SMYD3: variants seen among roughly 807,000 people sequenced by gnomAD.
The protein encoded by SMYD3 is SET and MYND domain containing 3, also known as histone-lysine N-methyltransferase SMYD3.
SMYD3 carries 36 observed loss-of-function variants against 57.7 expected under a neutral mutation model. The ratio of observed to expected loss-of-function variants is 0.62; its 90% CI spans 0.48 to 0.82. The LOEUF (loss-of-function observed/expected upper bound fraction) is 0.82, where lower values mean the gene tolerates loss of function less well. Among genes scored for constraint, SMYD3 ranks in the 40% least tolerant of loss-of-function variants. The probability of loss-of-function intolerance (pLI) is 0.00; values close to 1 mark genes in which losing one functional copy is unlikely to be tolerated. For synonymous variants in SMYD3, 211 were observed against 195.0 expected, an observed-to-expected ratio of 1.08 and a Z score of -0.68; for missense variants, 515 against 538.8, an observed-to-expected ratio of 0.96 and a Z score of 0.44.
intron 5 of SMYD3, among the ~76,000 whole-genome samples, chr1:246,027,164 G>C (rs895791075): frequency 6.6e-6 from 1 of 152,172 alleles, no homozygotes; most frequent in Non-Finnish European, 1.5e-5. Context: ...AACGACAGAA[G>C]AAACGGTGGA....
intron 5 of SMYD3, among the ~76,000 whole-genome samples, chr1:246,310,685 T>TC (rs1491321010): frequency 1.0e-5 from 1 of 96,300 alleles, no homozygotes; most frequent in African/African-American, 4.2e-5. Flanking sequence ...TTTTTTTTTT[T>TC]CTGAGAGGGA....
chr1:246,245,635 T>A (rs10924613), intron 5 of SMYD3, among the ~76,000 whole-genome samples: 31,568 of 152,072 alleles, frequency 0.21, 3,989 homozygotes, highest in East Asian at 0.58. Context: ...GATTTTTATC[T>A]AAGAAATTAA....
intron 10 of SMYD3, among the ~76,000 whole-genome samples, chr1:245,837,432 C>G (rs2050159138): frequency 6.6e-6 from 1 of 151,512 alleles, no homozygotes; most frequent in South Asian, 2.1e-4. Context: ...TGGCTATTGA[C>G]CTCCAGGGAA....
intron 5 of SMYD3, among the ~76,000 whole-genome samples, chr1:246,045,060 G>A (rs2059939278): frequency 6.6e-6 from 1 of 152,126 alleles, no homozygotes; most frequent in Non-Finnish European, 1.5e-5. Context: ...TACTGCCCAA[G>A]GTAATTTATA....
At chr1:246,286,647 T>C (rs1175531991) in intron 5 of SMYD3, among the ~76,000 whole-genome samples, 1 of 152,154 alleles carries the variant, frequency 6.6e-6, no homozygotes, top group Non-Finnish European at 1.5e-5. Context: ...GACACTGTTT[T>C]TGTTCATCTT....
intron 8 of SMYD3, among the ~76,000 whole-genome samples, chr1:245,892,537 T>A (rs2053452900): frequency 6.6e-6 from 1 of 152,218 alleles, no homozygotes; most frequent in Non-Finnish European, 1.5e-5. Context: ...TGTCCTCTTA[T>A]CCACCATTTG....
At chr1:246,129,819 G>A (rs931620610) in intron 5 of SMYD3, among the ~76,000 whole-genome samples, 1 of 151,990 alleles carries the variant, frequency 6.6e-6, no homozygotes, top group African/African-American at 2.4e-5. Flanking sequence ...TAAGCCCATA[G>A]CACTTGTTAG....
chr1:246,245,120 C>CTTTT (rs74163421), intron 5 of SMYD3, among the ~76,000 whole-genome samples: 9 of 122,960 alleles, frequency 7.3e-5, no homozygotes, highest in African/African-American at 1.2e-4. Flanking sequence ...CAGCTACTGC[C>CTTTT]TTTTTTTTTT....
chr1:246,482,156 T>A (rs185831964), intron 1 of SMYD3, among the ~76,000 whole-genome samples: 367 of 151,990 alleles, frequency 2.4e-3, no homozygotes, highest in African/African-American at 8.2e-3. Flanking sequence ...AGACCCTGTC[T>A]CAGAAGCAAA....
At chr1:246,048,741 G>A (rs2148318540) in intron 5 of SMYD3, among the ~76,000 whole-genome samples, 1 of 151,646 alleles carries the variant, frequency 6.6e-6, no homozygotes, top group African/African-American at 2.4e-5. Context: ...AACTTCACAA[G>A]GTTATTGTAA....
At chr1:246,502,899 C>T (rs1008794221) in intron 1 of SMYD3, among the ~76,000 whole-genome samples, 53 of 152,300 alleles carry the variant, frequency 3.5e-4, no homozygotes, top group African/African-American at 1.3e-3. Context: ...AGCTCCTCCA[C>T]CTCCTTCACA....
chr1:246,263,961 C>A (rs916991160), intron 5 of SMYD3, among the ~76,000 whole-genome samples: 4 of 152,064 alleles, frequency 2.6e-5, no homozygotes, highest in Non-Finnish European at 4.4e-5. Flanking sequence ...TATAAGATGC[C>A]TACACAACCA....
intron 5 of SMYD3, among the ~76,000 whole-genome samples, chr1:246,091,958 GT>G (rs1485654774): frequency 6.6e-6 from 1 of 152,100 alleles, no homozygotes; most frequent in Non-Finnish European, 1.5e-5. Context: ...CAACAAAACT[GT>G]TAATAATCAT....
At chr1:246,008,334 AG>A (rs1355067807) in intron 5 of SMYD3, among the ~76,000 whole-genome samples, 4 of 152,220 alleles carry the variant, frequency 2.6e-5, no homozygotes, top group African/African-American at 9.6e-5. Flanking sequence ...AGGATGTCTA[AG>A]GGCTCTTGAC....
intron 5 of SMYD3, among the ~76,000 whole-genome samples, chr1:245,953,769 C>T (rs181770910): frequency 2.0e-5 from 3 of 152,274 alleles, no homozygotes; most frequent in Non-Finnish European, 4.4e-5. Flanking sequence ...AAAAACCCCA[C>T]ATGTACTTTC....
intron 5 of SMYD3, among the ~76,000 whole-genome samples, chr1:246,168,987 C>T (rs912588346): frequency 3.3e-5 from 5 of 152,080 alleles, no homozygotes; most frequent in African/African-American, 1.2e-4. Flanking sequence ...ATTAAATTTC[C>T]CATTTGTAAT....
intron 1 of SMYD3, among the ~76,000 whole-genome samples, chr1:246,386,189 A>T (rs539545252): frequency 5.3e-5 from 8 of 152,326 alleles, no homozygotes; most frequent in African/African-American, 1.9e-4. Flanking sequence ...CGTCTGGCCT[A>T]AAATACATAC....
At chr1:245,994,239 C>A (rs950136082) in intron 5 of SMYD3, among the ~76,000 whole-genome samples, 3 of 152,206 alleles carry the variant, frequency 2.0e-5, no homozygotes, top group Non-Finnish European at 4.4e-5. Context: ...TCTGCCCACA[C>A]GAGGTGCTTC....
At chr1:246,502,392 A>G (rs930600803) in intron 1 of SMYD3, among the ~76,000 whole-genome samples, 4 of 152,054 alleles carry the variant, frequency 2.6e-5, no homozygotes, top group Non-Finnish European at 5.9e-5. Flanking sequence ...TCGACCTCCC[A>G]AAGTGCTGGG....
Sources: allele counts gnomAD v4.1 joint callset (sites outside exome capture counted in the v4.1 genomes callset), GRCh38; gene constraint gnomAD v4.1.1; transcripts MANE v1.5; gene names NCBI Gene and HGNC (gene_info 2026-07-23, HGNC 2026-07-21).